The following ZNF460 variants were observed in gnomAD, a reference collection of about 807,000 sequenced individuals.
ZNF460 encodes the protein zinc finger protein 272.
Under a neutral mutation model 8.4 loss-of-function variants are expected in ZNF460, and 1 was observed. The observed-to-expected ratio is 0.12, with a 90% CI of 0.04 to 0.56. The LOEUF (loss-of-function observed/expected upper bound fraction) is 0.56, where lower values mean the gene tolerates loss of function less well. Among genes scored for constraint, ZNF460 ranks in the 20% least tolerant of loss-of-function variants. ZNF460 has a pLI of 0.91. For missense variants in ZNF460, 477 were observed against 714.8 expected (o/e 0.67, Z 3.79); for synonymous variants, 262 against 259.9 (o/e 1.01, Z -0.08).
rs1386486056 is a variant in ZNF460 at position 57,280,687 on chromosome 19, T to C, written c.-120T>C. On this transcript the variant is annotated 5_prime_UTR_variant, in exon 1 of 3. Transcript: ENST00000360338. ...GTCTCCTCAGCCCCGACGCTGCGCC[T>C]TGGGCCTTGTGCGCATTTTTTTCGG... The C allele has an allele frequency of 3.5e-6, 5 of 1,441,652 alleles. No homozygotes were observed. The East Asian group carries it at 7.5e-5, about 21-fold the overall frequency. The allele number at this position is 1,441,652 out of a possible 1,614,324, so 89.3% of individuals were successfully genotyped here.
intron 1 of ZNF460, among the ~76,000 whole-genome samples, chr19:57,283,502 C>CTTTTTTTTTTT (rs926242067): frequency 5.8e-5 from 4 of 68,550 alleles, no homozygotes; most frequent in African/African-American, 1.9e-4. Flanking sequence ...TTTGACTATT[C>CTTTTTTTTTTT]TTTTTTTTTT....
chr19:57,283,475 A>G (rs916984955), intron 1 of ZNF460, among the ~76,000 whole-genome samples: 2 of 116,140 alleles, frequency 1.7e-5, no homozygotes, highest in African/African-American at 3.5e-5. Context: ...GCCTACAAAC[A>G]GTTTTTCTTT....
chr19:57,287,767 C>T (rs912321505), intron 2 of ZNF460, among the ~76,000 whole-genome samples: 5 of 152,112 alleles, frequency 3.3e-5, no homozygotes, highest in African/African-American at 9.7e-5. Flanking sequence ...TCTAGGCGGG[C>T]GGATCACTTG....
chr19:57,280,875 A>G (rs764408206), intron 1 of ZNF460, 39 bp downstream of exon 1: 1 of 1,613,180 alleles, frequency 6.2e-7, no homozygotes, highest in Admixed American at 1.7e-5. Context: ...CTGCTGTGCT[A>G]TTTCTAGAGG....
At chr19:57,282,339 C>T (rs1451987799) in intron 1 of ZNF460, among the ~76,000 whole-genome samples, 1 of 152,204 alleles carries the variant, frequency 6.6e-6, no homozygotes, top group African/African-American at 2.4e-5. Flanking sequence ...GTCTTGGCTA[C>T]AACCTGCTGT....
chr19:57,290,638 G>C, intron 2 of ZNF460, 61 bp from the exon 3 acceptor site: 1 of 1,449,622 alleles, frequency 6.9e-7, no homozygotes. Flanking sequence ...TCACCAAAAA[G>C]GTGGTTTCAT....
At chr19:57,289,865 G>A (rs1404014482) in intron 2 of ZNF460, among the ~76,000 whole-genome samples, 1 of 152,004 alleles carries the variant, frequency 6.6e-6, no homozygotes, top group Non-Finnish European at 1.5e-5. Flanking sequence ...ATTTAGCCAG[G>A]CGGGGTGGCT....
chr19:57,280,886 C>G, intron 1 of ZNF460, 50 bp downstream of exon 1: 1 of 1,611,514 alleles, frequency 6.2e-7, no homozygotes, highest in Non-Finnish European at 8.5e-7. Context: ...TTTCTAGAGG[C>G]CTCGTGGGCA....
At position 57,292,968 on chromosome 19, in the gene ZNF460, G is replaced by A. The variant is rs995483820; in HGVS notation, c.*738G>A. The A allele has an allele frequency of 7.0e-6, 1 of 143,364 alleles. No individual in the cohort carries two copies. Among genetic ancestry groups the A allele is most frequent in the African/African-American group, 2.4e-5 (1 of 41,010 alleles). The allele number at this position is 143,364 out of a possible 1,614,324, so 8.9% of individuals were successfully genotyped here. The stretch of plus-strand genomic sequence containing the variant: ...TTTTACTGCACACTTCAGACGCTTT[G>A]ACTTTTTTAAAAAAATTGTTTCTCC... On this transcript the variant is annotated 3_prime_UTR_variant, in exon 3 of 3. Transcript: ENST00000360338.
Position 57,280,720 on chromosome 19 carries a change from CTG to C in ZNF460, c.-86_-85del, listed in dbSNP as rs1475460027. The stretch of plus-strand genomic sequence containing the variant: ...TGTGCGCATTTTTTTCGGGGGAAAA[CTG>C]AGGCTCGGAGTGCGAAAGTCAGCCG... On this transcript the variant is annotated 5_prime_UTR_variant, in exon 1 of 3. Transcript: ENST00000360338. 1.9e-6 allele frequency: 3 copies of C among 1,573,082 alleles called. No homozygotes were observed. Among genetic ancestry groups the C allele is most frequent in the African/African-American group, 1.4e-5 (1 of 73,904 alleles).
rs1300434001 is a variant in ZNF460 at position 57,293,025 on chromosome 19, TTTC to T, written c.*798_*800del. The T allele has an allele frequency of 6.6e-6, 1 of 152,240 alleles. No individual in the cohort carries two copies. Among genetic ancestry groups the T allele is most frequent in the Non-Finnish European group, 1.5e-5 (1 of 68,040 alleles). The allele number at this position is 152,240 out of a possible 1,614,324, so 9.4% of individuals were successfully genotyped here. ...CTTTAACCACCCAGTACCATACTTT[TTTC>T]TTGATCTGGATCTACTTGTCAATTT... On this transcript the variant is annotated 3_prime_UTR_variant, in exon 3 of 3. Coordinates refer to ENST00000360338, the MANE Select transcript of ZNF460 (RefSeq NM_006635.4).
In ZNF460 at chr19:57,285,935, C is replaced by T. The variant is rs774078529; in HGVS notation, c.157+1258C>T. On this transcript the variant is annotated intron_variant, in intron 2 of 2. Coordinates refer to ENST00000360338, the MANE Select transcript of ZNF460 (RefSeq NM_006635.4). ...GGTCTGATGCCTCAGAGTCCAATTC[C>T]AGCTCTACTTTTTGTCAGCTGTGTG... Among the ~76,000 whole-genome samples the T allele has an allele frequency of 3.8e-4, 58 of 152,246 alleles. No homozygotes were observed. The Middle Eastern group carries it at 0.01, about 27-fold the overall frequency.
In ZNF460 at chr19:57,291,897, A is replaced by G. The variant is rs371561396; in HGVS notation, c.1356A>G (p.Gln452=). ...HTGEKPYVCI[Q]CGKAFCRTTN... The stretch of plus-strand genomic sequence containing the variant: ...GAGAGAAGCCGTATGTATGCATCCA[A>G]TGTGGGAAAGCCTTTTGTCGGACCA... The change falls in exon 3 of 3, where the codon CAA becomes CAG. Residue 452 remains glutamine (Q), a synonymous_variant. Transcript: ENST00000360338. This position sits in a 1 kb window ranked among gnomAD's most constrained non-coding sequence, Gnocchi z 8.4. 6 of 1,613,752 alleles carry G rather than the reference A, an allele frequency of 3.7e-6. No homozygotes were observed. The highest frequency in any genetic ancestry group is 2.7e-5 in the African/African-American group (2 of 74,786).
chr19:57,287,003 C>T (rs977612770), intron 2 of ZNF460, among the ~76,000 whole-genome samples: 2 of 149,312 alleles, frequency 1.3e-5, no homozygotes, highest in African/African-American at 4.9e-5. Flanking sequence ...TGAATTTTTG[C>T]TTATGTATAA....
At chr19:57,286,111 A>G (rs1600025082) in intron 2 of ZNF460, among the ~76,000 whole-genome samples, 3 of 152,170 alleles carry the variant, frequency 2.0e-5, no homozygotes, top group African/African-American at 4.8e-5. Context: ...CGTTTGTTTC[A>G]TTGTACTTTG....
Position 57,290,270 on chromosome 19 carries a change from A to G in ZNF460, c.158-429A>G, listed in dbSNP as rs142965779. Among the ~76,000 whole-genome samples, 454 of 152,280 alleles carry G rather than the reference A, an allele frequency of 3.0e-3. 3 individuals carry two copies. Among genetic ancestry groups the G allele is most frequent in the African/African-American group, 0.011 (443 of 41,558 alleles). On this transcript the variant is annotated intron_variant, in intron 2 of 2. Coordinates refer to ENST00000360338, the MANE Select transcript of ZNF460 (RefSeq NM_006635.4). The stretch of plus-strand genomic sequence containing the variant: ...AAACCAAAGTGCTGGGATTACAGGC[A>G]TGAGCCACCATGCCTGGCCTTTTTT...
intron 2 of ZNF460, 100 bp from the exon 3 acceptor site, chr19:57,290,599 A>T (rs954443839): frequency 1.7e-6 from 2 of 1,187,070 alleles, no homozygotes; most frequent in African/African-American, 3.1e-5. Flanking sequence ...AGCTATTTTC[A>T]AATCATCACT....
At chr19:57,280,361 G>A (rs2087827028), upstream of ZNF460, 1 of 181,424 alleles carries the variant, frequency 5.5e-6, no homozygotes, top group African/African-American at 2.4e-5. Flanking sequence ...ACTGCCCCTT[G>A]CGTCGGCCGC....
chr19:57,281,004 G>A (rs2087834396), intron 1 of ZNF460, among the ~76,000 whole-genome samples, 168 bp downstream of exon 1: 1 of 152,172 alleles, frequency 6.6e-6, no homozygotes, highest in South Asian at 2.1e-4. Flanking sequence ...CAACAGTGTT[G>A]GCCTCTGATA....
Sources: allele counts gnomAD v4.1 joint callset (sites outside exome capture counted in the v4.1 genomes callset), GRCh38; gene constraint gnomAD v4.1.1; non-coding constraint Gnocchi (gnomAD v3.1); transcripts MANE v1.5; gene names NCBI Gene and HGNC (gene_info 2026-07-23, HGNC 2026-07-21).